The following SLC29A3 variants were observed in gnomAD, a reference collection of about 807,000 sequenced individuals.
SLC29A3 encodes the protein solute carrier family 29 member 3.
In SLC29A3, 18 loss-of-function variants were observed where a neutral mutation model predicts 25.4. The observed-to-expected ratio is 0.71, with a 90% CI of 0.49 to 1.05. The LOEUF is 1.05. Among genes scored for constraint, SLC29A3 ranks in the 50% least tolerant of loss-of-function variants. The pLI is 0.00. For synonymous variants in SLC29A3, 258 were observed against 267.1 expected (o/e 0.97, Z 0.33); for missense variants, 586 against 609.0 (o/e 0.96, Z 0.40).
At chr10:71,381,166 C>A (rs1338522450) in exon 5 of SLC29A3, 1 of 152,184 alleles carries the variant, frequency 6.6e-6, no homozygotes, top group Non-Finnish European at 1.5e-5. Context: ...GAATGTACAA[C>A]ACCAAGAGTG....
At chr10:71,332,209 T>C (rs6480512) in intron 2 of SLC29A3, among the ~76,000 whole-genome samples, 100,618 of 148,450 alleles carry the variant, frequency 0.68, 35,832 homozygotes, top group African/African-American at 0.92. Context: ...AGTGCAGTAG[T>C]GCGATCTTGG....
Position 71,342,990 on chromosome 10 carries a change from A to AT in SLC29A3, c.301-1213dup, listed in dbSNP as rs532171499. Among the ~76,000 whole-genome samples, 126 of 152,222 alleles carry AT rather than the reference A, an allele frequency of 8.3e-4. No individual in the cohort carries two copies. In the East Asian group the frequency reaches 0.022, roughly 26 times the overall value. On this transcript the variant is annotated intron_variant, in intron 2 of 5. Coordinates refer to ENST00000373189, the MANE Select transcript of SLC29A3 (RefSeq NM_018344.6). ...GGCCCATGACATCTTTCTTTCTGTT[A>AT]TTTTTTAGAGATGGGGTCTCACTCT...
intron 2 of SLC29A3, among the ~76,000 whole-genome samples, chr10:71,332,152 CT>C (rs10716665): frequency 0.26 from 35,628 of 134,796 alleles, 4,415 homozygotes; most frequent in South Asian, 0.34. Flanking sequence ...TCTTTTTTTT[CT>C]TTTTTTTTTT....
chr10:71,327,761 G>C (rs1023222991), intron 2 of SLC29A3, among the ~76,000 whole-genome samples: 1 of 134,386 alleles, frequency 7.4e-6, no homozygotes, highest in African/African-American at 2.9e-5. Flanking sequence ...TTCCTTTGGA[G>C]AGCCTGCCCC....
intron 3 of SLC29A3, among the ~76,000 whole-genome samples, chr10:71,348,943 G>T (rs1564536591): frequency 6.6e-6 from 1 of 152,210 alleles, no homozygotes; most frequent in Non-Finnish European, 1.5e-5. Flanking sequence ...GGAGGGACAA[G>T]AACACAGTCC....
At chr10:71,358,955 G>A (rs1451341218) in intron 5 of SLC29A3, among the ~76,000 whole-genome samples, 1 of 152,106 alleles carries the variant, frequency 6.6e-6, no homozygotes, top group Non-Finnish European at 1.5e-5. Context: ...CTGTCGCCCA[G>A]GTTGGAGTGC....
At chr10:71,352,141 G>A (rs1293235756) in intron 4 of SLC29A3, among the ~76,000 whole-genome samples, 4 of 152,122 alleles carry the variant, frequency 2.6e-5, no homozygotes, top group South Asian at 4.1e-4. Flanking sequence ...AGGGACTTCC[G>A]TTCCTCTCTA....
chr10:71,355,051 C>T (rs1260168130), intron 4 of SLC29A3, among the ~76,000 whole-genome samples: 2 of 152,214 alleles, frequency 1.3e-5, no homozygotes, highest in Non-Finnish European at 2.9e-5. Flanking sequence ...CCAGAAGCAA[C>T]AATGCAGTCG....
At chr10:71,340,798 A>G (rs1846383015) in intron 2 of SLC29A3, among the ~76,000 whole-genome samples, 1 of 152,212 alleles carries the variant, frequency 6.6e-6, no homozygotes, top group South Asian at 2.1e-4. Flanking sequence ...CTGGCTACAA[A>G]GTAAATAATC....
chr10:71,361,173 G>A (rs577542592), intron 5 of SLC29A3, among the ~76,000 whole-genome samples: 69 of 152,160 alleles, frequency 4.5e-4, no homozygotes, highest in Non-Finnish European at 7.6e-4. Context: ...ACAGGGTCTC[G>A]CTCTGTTATC....
At chr10:71,334,842 G>C (rs113419698) in intron 2 of SLC29A3, among the ~76,000 whole-genome samples, 1 of 152,044 alleles carries the variant, frequency 6.6e-6, no homozygotes, top group African/African-American at 2.4e-5. Flanking sequence ...CCAACCGTAC[G>C]CTGTTCCCTC....
At chr10:71,323,625 G>A (rs1361330074) in intron 2 of SLC29A3, among the ~76,000 whole-genome samples, 1 of 152,244 alleles carries the variant, frequency 6.6e-6, no homozygotes, top group East Asian at 1.9e-4. Context: ...AGCTTGCAGA[G>A]CAGGCTGGGA....
chr10:71,342,366 G>T (rs1846432337), intron 2 of SLC29A3, among the ~76,000 whole-genome samples: 1 of 152,178 alleles, frequency 6.6e-6, no homozygotes. Context: ...TGAGTTCTTT[G>T]TAAGGCAGAG....
chr10:71,366,703 C>T (rs959560877), downstream of SLC29A3, among the ~76,000 whole-genome samples: 1 of 152,106 alleles, frequency 6.6e-6, no homozygotes, highest in African/African-American at 2.4e-5. Context: ...GTGATGTGGG[C>T]GCTTAACTTC....
Position 71,362,799 on chromosome 10 carries a change from C to A in SLC29A3, c.*191C>A. 1 of 737,664 alleles carries A rather than the reference C, an allele frequency of 1.4e-6. No homozygotes were observed. Among genetic ancestry groups the A allele is most frequent in the Non-Finnish European group, 2.4e-6 (1 of 419,898 alleles). The allele number at this position is 737,664 out of a possible 1,614,324, so 45.7% of individuals were successfully genotyped here. A position where few individuals can be genotyped will look rare whatever the true frequency, so the allele number is the denominator to read the frequency against. ...CCCATTCCGTGCAAGGCAGATATTCCAGTCATATTAACAGAACACTCCTGA... is the reference window on the plus strand; with the variant it reads ...CCCATTCCGTGCAAGGCAGATATTCAAGTCATATTAACAGAACACTCCTGA... On this transcript the variant is annotated 3_prime_UTR_variant, in exon 6 of 6. Coordinates refer to ENST00000373189, the MANE Select transcript of SLC29A3 (RefSeq NM_018344.6).
At chr10:71,376,941 A>G (rs997690359) in intron 4 of SLC29A3, among the ~76,000 whole-genome samples, 57 of 151,522 alleles carry the variant, frequency 3.8e-4, no homozygotes, top group Admixed American at 3.7e-3. Flanking sequence ...ACGCCCGGCT[A>G]ATTTTTATAT....
intron 3 of SLC29A3, among the ~76,000 whole-genome samples, chr10:71,371,867 C>T (rs1454850712): frequency 1.3e-5 from 2 of 152,178 alleles, no homozygotes; most frequent in African/African-American, 4.8e-5. Flanking sequence ...AGAGGTTATC[C>T]TGACCACTTT....
chr10:71,330,527 G>C (rs967129914), intron 2 of SLC29A3, among the ~76,000 whole-genome samples: 2 of 152,264 alleles, frequency 1.3e-5, no homozygotes, highest in Non-Finnish European at 2.9e-5. Context: ...CCCAGATTTG[G>C]CAACAGAGGG....
chr10:71,355,670 G>A (rs183397779), intron 4 of SLC29A3, among the ~76,000 whole-genome samples: 33 of 152,262 alleles, frequency 2.2e-4, no homozygotes, highest in African/African-American at 7.7e-4. Context: ...TTGGGCCGGG[G>A]GCAGAGAAGA....
Sources: gnomAD v4.1 joint callset for allele counts (sites outside exome capture counted in the v4.1 genomes callset) on GRCh38, gnomAD v4.1.1 for gene constraint, MANE v1.5 for transcripts, NCBI Gene and HGNC (gene_info 2026-07-23, HGNC 2026-07-21) for gene names.